DLGAP2: variants seen among roughly 807,000 people sequenced by gnomAD.
The protein encoded by DLGAP2 is disks large-associated protein 2.
In DLGAP2, 26 loss-of-function variants were observed where a neutral mutation model predicts 100.3. The ratio of observed to expected loss-of-function variants is 0.26; its 90% CI spans 0.19 to 0.36. The LOEUF (loss-of-function observed/expected upper bound fraction) is 0.36, where lower values mean the gene tolerates loss of function less well. Among genes scored for constraint, DLGAP2 ranks in the 10% least tolerant of loss-of-function variants. The pLI, the probability that DLGAP2 is intolerant of heterozygous loss-of-function variation, is 1.00. For synonymous variants in DLGAP2, 886 were observed against 630.1 expected (o/e 1.41, Z -6.08); for missense variants, 1,858 against 1,453.2 (o/e 1.28, Z -4.53).
chr8:1,668,209 G>C, intron 8 of DLGAP2, 120 bp from the exon 9 acceptor site: 1 of 889,718 alleles, frequency 1.1e-6, no homozygotes, highest in East Asian at 2.8e-5. Flanking sequence ...ATTTTTTTAG[G>C]CTAGACGTCC....
chr8:1,188,275 T>C (rs191965129), intron 2 of DLGAP2, among the ~76,000 whole-genome samples: 693 of 66,232 alleles, frequency 0.01, 68 homozygotes, highest in African/African-American at 0.032. Context: ...CCGGGACCTC[T>C]GTGACGTTTG....
intron 2 of DLGAP2, among the ~76,000 whole-genome samples, chr8:1,212,813 A>C: frequency 8.3e-6 from 1 of 120,946 alleles, no homozygotes; most frequent in Non-Finnish European, 1.6e-5. Context: ...AATGTTCTTA[A>C]ATTCATGTTT....
intron 2 of DLGAP2, among the ~76,000 whole-genome samples, chr8:1,041,665 C>T (rs1294590004): frequency 1.3e-5 from 1 of 76,068 alleles, no homozygotes; most frequent in African/African-American, 5.8e-5. Flanking sequence ...TGAGTGTTCT[C>T]CGAGCCCCTT....
At chr8:1,052,464 G>A (rs190781683) in intron 2 of DLGAP2, among the ~76,000 whole-genome samples, 14 of 152,294 alleles carry the variant, frequency 9.2e-5, no homozygotes, top group East Asian at 5.8e-4. Flanking sequence ...GCTGTAAGGC[G>A]TGGAAAAGGC....
At chr8:1,306,052 A>C (rs1381153034) in intron 3 of DLGAP2, among the ~76,000 whole-genome samples, 1 of 147,504 alleles carries the variant, frequency 6.8e-6, no homozygotes, top group Admixed American at 6.9e-5. Flanking sequence ...TAGTAGTAGA[A>C]GTCCTAGACA....
At chr8:1,310,780 C>T (rs1800595297) in intron 3 of DLGAP2, among the ~76,000 whole-genome samples, 1 of 152,066 alleles carries the variant, frequency 6.6e-6, no homozygotes, top group Non-Finnish European at 1.5e-5. Context: ...GCCTCAGCCT[C>T]CTGAGTAGCT....
intron 6 of DLGAP2, among the ~76,000 whole-genome samples, chr8:1,603,507 A>G (rs2956949): frequency 0.31 from 43,627 of 142,244 alleles, 6,756 homozygotes; most frequent in East Asian, 0.51. Flanking sequence ...TCTCAGTTCC[A>G]TAGAGGCTGG....
At chr8:1,663,927 G>A (rs537601582) in intron 8 of DLGAP2, among the ~76,000 whole-genome samples, 1 of 152,302 alleles carries the variant, frequency 6.6e-6, no homozygotes, top group South Asian at 2.1e-4. Context: ...AAGTCAGGCC[G>A]TATCCCCAGA....
At chr8:1,204,183 C>G (rs1797942327) in intron 2 of DLGAP2, among the ~76,000 whole-genome samples, 1 of 152,244 alleles carries the variant, frequency 6.6e-6, no homozygotes, top group Non-Finnish European at 1.5e-5. Context: ...GGGTAAGTCA[C>G]ACCCATCACA....
intron 4 of DLGAP2, among the ~76,000 whole-genome samples, chr8:1,542,624 G>A (rs1008023163): frequency 1.3e-5 from 2 of 152,202 alleles, no homozygotes. Flanking sequence ...CAGCCCCCAT[G>A]TTTGTCCATT....
intron 6 of DLGAP2, among the ~76,000 whole-genome samples, chr8:1,618,437 C>T (rs1161054628): frequency 6.6e-6 from 1 of 152,134 alleles, no homozygotes; most frequent in Non-Finnish European, 1.5e-5. Flanking sequence ...TTGGAAGTCT[C>T]AGTAATGTGA....
At chr8:1,224,041 A>G (rs1405834277) in intron 2 of DLGAP2, among the ~76,000 whole-genome samples, 1 of 152,240 alleles carries the variant, frequency 6.6e-6, no homozygotes, top group African/African-American at 2.4e-5. Context: ...CAAGTTAAGC[A>G]ATGAATCAAA....
intron 2 of DLGAP2, among the ~76,000 whole-genome samples, chr8:1,051,053 C>G: frequency 1.2e-5 from 1 of 82,178 alleles, no homozygotes; most frequent in Admixed American, 1.8e-4. Flanking sequence ...TGGGTCATTT[C>G]GTGGGTGGGG....
chr8:1,076,572 C>T (rs1207188768), intron 2 of DLGAP2, among the ~76,000 whole-genome samples: 4 of 152,220 alleles, frequency 2.6e-5, no homozygotes, highest in African/African-American at 9.6e-5. Context: ...CAGCCCCTCT[C>T]TTGAGCCGCC....
At chr8:1,134,798 C>A (rs1361672918) in intron 2 of DLGAP2, among the ~76,000 whole-genome samples, 4 of 151,940 alleles carry the variant, frequency 2.6e-5, no homozygotes, top group Non-Finnish European at 4.4e-5. Context: ...TGTGAGAGCA[C>A]AGAAAAAAAC....
chr8:1,071,068 G>A (rs1803413686), intron 2 of DLGAP2, among the ~76,000 whole-genome samples: 1 of 152,174 alleles, frequency 6.6e-6, no homozygotes, highest in African/African-American at 2.4e-5. Context: ...TGTGTTTCGG[G>A]GGCGACCCGG....
At chr8:1,208,337 G>A (rs1798038443) in intron 2 of DLGAP2, among the ~76,000 whole-genome samples, 1 of 152,062 alleles carries the variant, frequency 6.6e-6, no homozygotes, top group Admixed American at 6.6e-5. Flanking sequence ...CCCCGCTTAT[G>A]TTTTTGTTTG....
chr8:1,505,135 C>G (rs1411408265), intron 4 of DLGAP2, among the ~76,000 whole-genome samples: 1 of 152,198 alleles, frequency 6.6e-6, no homozygotes, highest in Non-Finnish European at 1.5e-5. Context: ...GTGTTCCAAT[C>G]TCCTCATCTT....
At chr8:1,468,612 G>A (rs980298277) in intron 3 of DLGAP2, among the ~76,000 whole-genome samples, 2 of 152,222 alleles carry the variant, frequency 1.3e-5, no homozygotes, top group African/African-American at 4.8e-5. Context: ...ACCCTTGAAG[G>A]AAACCTGGGA....
Sources: gnomAD v4.1 joint callset for allele counts (sites outside exome capture counted in the v4.1 genomes callset) on GRCh38, gnomAD v4.1.1 for gene constraint, MANE v1.5 for transcripts, NCBI Gene and HGNC (gene_info 2026-07-23, HGNC 2026-07-21) for gene names.